Variants in COL4A6 observed in about 807,000 individuals in gnomAD.
The protein encoded by COL4A6 is collagen type IV alpha 6 chain, also known as collagen alpha-6(IV) chain.
COL4A6 carries 59 observed loss-of-function variants against 126.7 expected under a neutral mutation model. That is an observed-to-expected ratio of 0.47 (90% CI 0.38 to 0.58). The LOEUF (loss-of-function observed/expected upper bound fraction) is 0.58, where lower values mean the gene tolerates loss of function less well. Among genes scored for constraint, COL4A6 ranks in the 20% least tolerant of loss-of-function variants. The probability of loss-of-function intolerance (pLI) is 0.00; values close to 1 mark genes in which losing one functional copy is unlikely to be tolerated. For missense variants in COL4A6, 1,285 were observed against 1,337.3 expected (o/e 0.96, Z 0.61); for synonymous variants, 547 against 496.6 (o/e 1.10, Z -1.35).
At chrX:108,404,759 A>G (rs145498287) in intron 2 of COL4A6, among the ~76,000 whole-genome samples, 3,442 of 111,624 alleles carry the variant, frequency 0.031, 125 homozygotes, top group African/African-American at 0.11. Flanking sequence ...ATTCTTTCAT[A>G]CTTAGTAATG....
chrX:108,345,239 T>C (rs909447360), intron 2 of COL4A6, among the ~76,000 whole-genome samples: 5 of 111,917 alleles, frequency 4.5e-5, no homozygotes, highest in African/African-American at 1.6e-4. Flanking sequence ...CAAACAAATC[T>C]GTTTTCAGAT....
intron 2 of COL4A6, among the ~76,000 whole-genome samples, chrX:108,340,750 G>T (rs907418816): frequency 1.0e-5 from 1 of 99,035 alleles, no homozygotes; most frequent in African/African-American, 3.8e-5. Context: ...AAAATATAAA[G>T]ACATACATAG....
chrX:108,435,581 T>TAA (rs2064251271), intron 2 of COL4A6, among the ~76,000 whole-genome samples: 2 of 112,179 alleles, frequency 1.8e-5, no homozygotes, highest in Non-Finnish European at 1.9e-5. Flanking sequence ...CTAGATTCTA[T>TAA]TTTATGCAGA....
In COL4A6 at chrX:108,161,647, A is replaced by C; in HGVS notation, c.4305T>G (p.Pro1435=). The change falls in exon 42 of 45, where the codon CCT becomes CCG. Residue 1435 remains proline (P), a synonymous_variant. Transcript: ENST00000334504. ...CAAATCCTGGAGGGCCTTGCAGTCCAGGCAGACCAGGATCACCAAGAGCCC... is the reference window on the plus strand; with the variant it reads ...CAAATCCTGGAGGGCCTTGCAGTCCCGGCAGACCAGGATCACCAAGAGCCC... ...PPGALGDPGL[P]GLQGPPGFEG... The C allele has an allele frequency of 8.6e-7, 1 of 1,161,607 alleles. No individual in the cohort carries two copies. The highest frequency in any genetic ancestry group is 1.1e-6 in the Non-Finnish European group (1 of 873,950).
intron 2 of COL4A6, among the ~76,000 whole-genome samples, chrX:108,320,179 A>C (rs1313545776): frequency 8.9e-6 from 1 of 111,801 alleles, no homozygotes; most frequent in Non-Finnish European, 1.9e-5. Context: ...TTGTGGAGAA[A>C]TAAGGTGTGA....
At chrX:108,306,549 C>T (rs2038630371) in intron 3 of COL4A6, among the ~76,000 whole-genome samples, 1 of 111,770 alleles carries the variant, frequency 8.9e-6, no homozygotes, top group South Asian at 3.8e-4. Context: ...TGGCACCAGT[C>T]AGCTGACACA....
chrX:108,432,690 G>A (rs2064194287), intron 2 of COL4A6, among the ~76,000 whole-genome samples: 1 of 110,908 alleles, frequency 9.0e-6, no homozygotes, highest in African/African-American at 3.3e-5. Context: ...ACAAAAATTA[G>A]CCGGGTGTGA....
Position 108,160,727 on chromosome X carries a change from A to T in COL4A6, c.4334-73T>A, listed in dbSNP as rs1053457165. ...ACATCAGCTACTCACATTGTACCAC[A>T]CATTGTCCAAGGCATGTTATACACA... is the stretch of plus-strand genomic sequence containing the variant. On this transcript the variant is annotated intron_variant, in intron 42 of 44. Coordinates refer to ENST00000334504, the MANE Select transcript of COL4A6 (RefSeq NM_033641.4). The T allele has an allele frequency of 5.2e-5, 50 of 960,764 alleles. 1 individual carries two copies. The East Asian group carries it at 1.6e-3, about 30-fold the overall frequency. 79.2% of individuals were successfully genotyped at this position (960,764 alleles called of 1,213,427 possible).
intron 3 of COL4A6, among the ~76,000 whole-genome samples, chrX:108,279,674 A>G (rs2147797176): frequency 8.9e-6 from 1 of 111,878 alleles, no homozygotes; most frequent in Admixed American, 9.5e-5. Context: ...CTCCACCCCA[A>G]ATCAACAGAA....
chrX:108,328,382 G>C (rs1603097598), intron 2 of COL4A6, among the ~76,000 whole-genome samples: 1 of 108,973 alleles, frequency 9.2e-6, no homozygotes. Flanking sequence ...GCGGTGGAAG[G>C]GGGAGAGGGA....
At chrX:108,186,032 G>A (rs1774747680) in intron 23 of COL4A6, among the ~76,000 whole-genome samples, 1 of 111,933 alleles carries the variant, frequency 8.9e-6, no homozygotes, top group Admixed American at 9.5e-5. Context: ...TTTCAATTAA[G>A]AGCATGATAT....
At chrX:108,433,298 T>C (rs1215632382) in intron 2 of COL4A6, among the ~76,000 whole-genome samples, 2 of 111,544 alleles carry the variant, frequency 1.8e-5, no homozygotes, top group Non-Finnish European at 3.8e-5. Flanking sequence ...AGCATGCTTA[T>C]CAGGTCTTCT....
At chrX:108,323,089 GTT>G (rs895264085) in intron 2 of COL4A6, among the ~76,000 whole-genome samples, 59 of 111,649 alleles carry the variant, frequency 5.3e-4, no homozygotes, top group African/African-American at 1.9e-3. Context: ...GGGGATTCAT[GTT>G]TCTTTCTGTA....
intron 2 of COL4A6, among the ~76,000 whole-genome samples, chrX:108,421,064 A>G (rs1198790989): frequency 1.8e-5 from 2 of 112,188 alleles, no homozygotes; most frequent in Admixed American, 9.5e-5. Context: ...GACTCTACAG[A>G]TTACTGATAC....
chrX:108,257,380 T>C (rs2037034586), intron 3 of COL4A6, among the ~76,000 whole-genome samples: 1 of 111,970 alleles, frequency 8.9e-6, no homozygotes, highest in South Asian at 3.7e-4. Context: ...ATTTGATCCA[T>C]GCACTTAGTT....
intron 2 of COL4A6, among the ~76,000 whole-genome samples, chrX:108,334,646 T>G (rs751060633): frequency 3.6e-5 from 4 of 111,381 alleles, no homozygotes; most frequent in Non-Finnish European, 7.6e-5. Flanking sequence ...TCACTTTACC[T>G]TTCTTGGTTT....
chrX:108,438,000 T>C lies in COL4A6; in HGVS notation c.12-7A>G, dbSNP rs776829842. 13 of 1,208,195 alleles carry C rather than the reference T, an allele frequency of 1.1e-5. No homozygotes were observed. The African/African-American group carries it at 2.3e-4, about 21-fold the overall frequency. On this transcript the variant is annotated splice_region_variant and splice_polypyrimidine_tract_variant and intron_variant, in intron 1 of 44. Transcript: ENST00000334504. Reference sequence around the variant, plus strand: ...AACCAGGAGCAGCCACAACCTGAAATGGGAGGGAGGGTGAGTAATGGGCTC... The same window carrying C: ...AACCAGGAGCAGCCACAACCTGAAACGGGAGGGAGGGTGAGTAATGGGCTC...
At chrX:108,186,899 CTA>C (rs1183988013) in intron 23 of COL4A6, among the ~76,000 whole-genome samples, 195 bp downstream of exon 23, 2 of 111,431 alleles carry the variant, frequency 1.8e-5, no homozygotes, top group African/African-American at 6.5e-5. Flanking sequence ...GGGTGGAAAT[CTA>C]TGTTATTCTG....
chrX:108,351,523 C>T (rs1485063398), intron 2 of COL4A6, among the ~76,000 whole-genome samples: 1 of 106,405 alleles, frequency 9.4e-6, no homozygotes, highest in African/African-American at 3.4e-5. Flanking sequence ...AGAAGGGTAG[C>T]TGGGGAGACC....
Sources: gnomAD v4.1 joint callset for allele counts (sites outside exome capture counted in the v4.1 genomes callset) on GRCh38, gnomAD v4.1.1 for gene constraint, MANE v1.5 for transcripts, NCBI Gene and HGNC (gene_info 2026-07-23, HGNC 2026-07-21) for gene names.